SLC44A5: variants seen among roughly 807,000 people sequenced by gnomAD.
SLC44A5 encodes the protein choline transporter-like protein 5.
In SLC44A5, 57 loss-of-function variants were observed where a neutral mutation model predicts 101.8. The ratio of observed to expected loss-of-function variants is 0.56; its 90% CI spans 0.45 to 0.70. The LOEUF is 0.70. Ranked by LOEUF, SLC44A5 falls within the 30% of genes least tolerant of loss-of-function variation. SLC44A5 has a pLI of 0.00. For missense variants in SLC44A5, 737 were observed against 853.1 expected (o/e 0.86, Z 1.70); for synonymous variants, 281 against 290.9 (o/e 0.97, Z 0.35).
chr1:75,718,122 C>A, the SLC44A5 span, among the ~76,000 whole-genome samples: 1 of 152,160 alleles, frequency 6.6e-6, no homozygotes, highest in Non-Finnish European at 1.5e-5. Context: ...GTTGTGACAC[C>A]TTTACTTAAA....
intron 4 of SLC44A5, among the ~76,000 whole-genome samples, chr1:75,321,963 T>C (rs374371672): frequency 3.3e-5 from 5 of 152,302 alleles, no homozygotes; most frequent in African/African-American, 9.6e-5. Context: ...AACTTCCCAT[T>C]TGTTATCTCC....
intron 12 of SLC44A5, among the ~76,000 whole-genome samples, chr1:75,228,557 T>C (rs1361498189): frequency 6.6e-6 from 1 of 151,988 alleles, no homozygotes; most frequent in East Asian, 1.9e-4. Context: ...ATACTTTATA[T>C]ACTGATATAT....
chr1:75,375,906 T>C (rs989629863), intron 3 of SLC44A5, among the ~76,000 whole-genome samples: 1 of 152,202 alleles, frequency 6.6e-6, no homozygotes, highest in Non-Finnish European at 1.5e-5. Context: ...GGGTGATTTC[T>C]GCATTTCCAT....
At chr1:75,320,388 T>C (rs1386183305) in intron 4 of SLC44A5, among the ~76,000 whole-genome samples, 1 of 152,126 alleles carries the variant, frequency 6.6e-6, no homozygotes, top group Non-Finnish European at 1.5e-5. Flanking sequence ...GATTTTATAA[T>C]TAATTTGCCC....
At chr1:75,644,640 A>T in the SLC44A5 span, among the ~76,000 whole-genome samples, 2 of 91,768 alleles carry the variant, frequency 2.2e-5, no homozygotes, top group African/African-American at 2.8e-5. Flanking sequence ...TTATATATAT[A>T]TATTTTTTTT....
chr1:75,371,135 T>C (rs994533270), intron 3 of SLC44A5, among the ~76,000 whole-genome samples: 6 of 152,230 alleles, frequency 3.9e-5, no homozygotes, highest in African/African-American at 1.4e-4. Context: ...TCTCTCCATC[T>C]CTTTACGTGC....
intron 3 of SLC44A5, among the ~76,000 whole-genome samples, chr1:75,368,264 A>T (rs1570003232): frequency 6.6e-6 from 1 of 152,226 alleles, no homozygotes; most frequent in Non-Finnish European, 1.5e-5. Flanking sequence ...GAGTAATTAC[A>T]GTTGTTCCTT....
intron 1 of SLC44A5, among the ~76,000 whole-genome samples, chr1:75,607,586 A>G (rs946736865): frequency 6.6e-6 from 1 of 152,040 alleles, no homozygotes; most frequent in African/African-American, 2.4e-5. Flanking sequence ...CCCAAATCTC[A>G]TCTTGAATTG....
chr1:75,296,215 G>C (rs1194343345), intron 5 of SLC44A5, among the ~76,000 whole-genome samples: 1 of 151,928 alleles, frequency 6.6e-6, no homozygotes, highest in East Asian at 1.9e-4. Flanking sequence ...GCTTTGGCTT[G>C]GTTCATTTCT....
intron 20 of SLC44A5, 120 bp from the exon 21 acceptor site, chr1:75,214,109 G>T (rs926152694): frequency 3.0e-6 from 2 of 677,706 alleles, no homozygotes; most frequent in African/African-American, 3.6e-5. Flanking sequence ...ATTGTATTTG[G>T]CAATTGTTTT....
At chr1:75,209,122 C>G (rs1339730547) in intron 23 of SLC44A5, among the ~76,000 whole-genome samples, 1 of 152,110 alleles carries the variant, frequency 6.6e-6, no homozygotes, top group African/African-American at 2.4e-5. Flanking sequence ...TGATTCATGT[C>G]AACATGCAAT....
intron 2 of SLC44A5, among the ~76,000 whole-genome samples, chr1:75,424,331 A>G (rs1664180666): frequency 6.6e-6 from 1 of 152,038 alleles, no homozygotes; most frequent in Non-Finnish European, 1.5e-5. Context: ...TTTGAGATGG[A>G]GTCTCGCTCT....
At chr1:75,366,973 T>C (rs11163217) in intron 3 of SLC44A5, among the ~76,000 whole-genome samples, 56,412 of 152,138 alleles carry the variant, frequency 0.37, 12,205 homozygotes, top group Non-Finnish European at 0.5. Flanking sequence ...TTACATCCCA[T>C]TGAGCCATTT....
chr1:75,723,154 G>C, the SLC44A5 span, among the ~76,000 whole-genome samples: 5 of 152,200 alleles, frequency 3.3e-5, no homozygotes, highest in African/African-American at 1.2e-4. Context: ...AACCGGACAC[G>C]GTAGTAGGGT....
the SLC44A5 span, among the ~76,000 whole-genome samples, chr1:75,654,247 G>A: frequency 6.6e-6 from 1 of 152,060 alleles, no homozygotes; most frequent in Non-Finnish European, 1.5e-5. Context: ...AATTATAAAA[G>A]GTTCTCGCTT....
intron 4 of SLC44A5, among the ~76,000 whole-genome samples, chr1:75,331,470 A>G (rs1255151608): frequency 6.6e-6 from 1 of 152,092 alleles, no homozygotes; most frequent in Non-Finnish European, 1.5e-5. Flanking sequence ...GAGTCTATAC[A>G]AGTCTCTCTA....
At chr1:75,450,143 G>C (rs780833948) in intron 2 of SLC44A5, among the ~76,000 whole-genome samples, 3 of 152,150 alleles carry the variant, frequency 2.0e-5, no homozygotes, top group Non-Finnish European at 4.4e-5. Flanking sequence ...CTTCCCCCGT[G>C]ACACCAATTT....
the SLC44A5 span, among the ~76,000 whole-genome samples, chr1:75,687,218 C>T: frequency 3.9e-5 from 6 of 152,148 alleles, no homozygotes; most frequent in African/African-American, 4.8e-5. Context: ...AAATCACACA[C>T]CCACCAGCAC....
intron 2 of SLC44A5, among the ~76,000 whole-genome samples, chr1:75,422,094 T>C (rs926796214): frequency 9.2e-5 from 14 of 152,144 alleles, no homozygotes; most frequent in African/African-American, 3.4e-4. Context: ...GCACGTGTGC[T>C]TAAGAGGCTG....
Sources: gnomAD v4.1 joint callset for allele counts (sites outside exome capture counted in the v4.1 genomes callset) on GRCh38, gnomAD v4.1.1 for gene constraint, MANE v1.5 for transcripts, NCBI Gene and HGNC (gene_info 2026-07-23, HGNC 2026-07-21) for gene names.